FOXN3: variants seen among roughly 807,000 people sequenced by gnomAD.
FOXN3 encodes forkhead box N3.
In FOXN3, 7 loss-of-function variants were observed where a neutral mutation model predicts 38.4. The observed-to-expected ratio is 0.18, with a 90% CI of 0.10 to 0.34. FOXN3 has a LOEUF of 0.34. FOXN3 is among the 10% of genes least tolerant of loss of function. The pLI is 1.00. For synonymous variants in FOXN3, 230 were observed against 242.2 expected, an observed-to-expected ratio of 0.95 and a Z score of 0.47; for missense variants, 456 against 613.4, an observed-to-expected ratio of 0.74 and a Z score of 2.71.
chr14:89,415,004 A>G (rs12885824), intron 1 of FOXN3, among the ~76,000 whole-genome samples: 55,132 of 152,112 alleles, frequency 0.36, 12,625 homozygotes, highest in Admixed American at 0.51. Flanking sequence ...AAAACAAGCT[A>G]GCATCTTTTG....
At chr14:89,416,418 A>G (rs1891725934) in intron 1 of FOXN3, among the ~76,000 whole-genome samples, 2 of 152,072 alleles carry the variant, frequency 1.3e-5, no homozygotes, top group Admixed American at 1.3e-4. Context: ...AGGGTTTCAA[A>G]CAGGGCCGGG....
chr14:89,458,627 G>A (rs1282160427), intron 1 of FOXN3, among the ~76,000 whole-genome samples: 3 of 152,064 alleles, frequency 2.0e-5, no homozygotes. Context: ...TTTCAACTTG[G>A]GTTTCAAGTG....
At chr14:89,527,092 AG>A (rs1439138718) in intron 1 of FOXN3, among the ~76,000 whole-genome samples, 2 of 150,416 alleles carry the variant, frequency 1.3e-5, no homozygotes, top group African/African-American at 2.4e-5. Context: ...AGGAGGAGGA[AG>A]GGGAGGAAAG....
intron 1 of FOXN3, among the ~76,000 whole-genome samples, chr14:89,477,991 T>C (rs1037119185): frequency 1.6e-4 from 24 of 152,152 alleles, no homozygotes; most frequent in African/African-American, 5.8e-4. Context: ...AGTTTGGATA[T>C]TTGTCCCCAC....
chr14:89,466,110 A>G (rs1892971551), intron 1 of FOXN3, among the ~76,000 whole-genome samples: 1 of 152,232 alleles, frequency 6.6e-6, no homozygotes. Flanking sequence ...CTGCCCCTCC[A>G]GGAACTTCCT....
Position 89,157,388 on chromosome 14 carries a change from T to A in FOXN3, c.*5026A>T, listed in dbSNP as rs1462303817. The A allele has an allele frequency of 6.6e-6, 1 of 152,606 alleles. No individual in the cohort carries two copies. Among genetic ancestry groups the A allele is most frequent in the African/African-American group, 2.4e-5 (1 of 41,420 alleles). The allele number at this position is 152,606 out of a possible 1,614,324, so 9.5% of individuals were successfully genotyped here. A position where few individuals can be genotyped will look rare whatever the true frequency, so the allele number is the denominator to read the frequency against. ...ATGATAAAGCAACCGAGCTGACGAG[T>A]CTGTGCTTAATTCAAGAATAACCAG... On this transcript the variant is annotated 3_prime_UTR_variant, in exon 6 of 6. Transcript: ENST00000557258.
At chr14:89,260,381 C>G (rs1008302394) in intron 4 of FOXN3, among the ~76,000 whole-genome samples, 1 of 152,258 alleles carries the variant, frequency 6.6e-6, no homozygotes, top group Non-Finnish European at 1.5e-5. Flanking sequence ...CCGACCACTG[C>G]GGCAGCCTGC....
intron 1 of FOXN3, among the ~76,000 whole-genome samples, chr14:89,550,272 G>A (rs1463070215): frequency 6.6e-6 from 1 of 152,122 alleles, no homozygotes; most frequent in Non-Finnish European, 1.5e-5. Context: ...CTTCCATTCT[G>A]AGGCCTTATC....
intron 1 of FOXN3, among the ~76,000 whole-genome samples, chr14:89,497,331 G>A (rs561417450): frequency 2.0e-4 from 31 of 151,698 alleles, no homozygotes; most frequent in East Asian, 1.8e-3. Flanking sequence ...TTCATCTGTC[G>A]ACAGACACTT....
At chr14:89,304,081 C>T (rs1375433516) in intron 3 of FOXN3, among the ~76,000 whole-genome samples, 1 of 152,200 alleles carries the variant, frequency 6.6e-6, no homozygotes, top group Non-Finnish European at 1.5e-5. Context: ...CTAAAAATAG[C>T]TTTGATGCTG....
At chr14:89,233,802 T>C (rs1259168200) in intron 4 of FOXN3, among the ~76,000 whole-genome samples, 4 of 152,228 alleles carry the variant, frequency 2.6e-5, no homozygotes, top group Non-Finnish European at 4.4e-5. Flanking sequence ...CTCCCTGGGA[T>C]AGTTTATCAT....
At chr14:89,232,886 T>A (rs1357966407) in intron 4 of FOXN3, among the ~76,000 whole-genome samples, 1 of 152,180 alleles carries the variant, frequency 6.6e-6, no homozygotes, top group Non-Finnish European at 1.5e-5. Flanking sequence ...TGATCACTTG[T>A]GACAGGAAGC....
intron 1 of FOXN3, among the ~76,000 whole-genome samples, chr14:89,535,176 A>G (rs1894659200): frequency 6.6e-6 from 1 of 151,172 alleles, no homozygotes; most frequent in Non-Finnish European, 1.5e-5. Flanking sequence ...AATGTTTTAA[A>G]TAACGCACAG....
chr14:89,305,800 A>T (rs1455435832), intron 3 of FOXN3, among the ~76,000 whole-genome samples: 4 of 152,230 alleles, frequency 2.6e-5, no homozygotes, highest in Non-Finnish European at 4.4e-5. Flanking sequence ...TACAATGCAT[A>T]TGTCTGCAGT....
chr14:89,400,950 C>G (rs1891228921), intron 2 of FOXN3, among the ~76,000 whole-genome samples: 1 of 152,170 alleles, frequency 6.6e-6, no homozygotes, highest in Admixed American at 6.5e-5. Context: ...TCCTCCTCCT[C>G]CCCTACCCTC....
At chr14:89,558,112 T>C (rs1004056528) in intron 1 of FOXN3, among the ~76,000 whole-genome samples, 1 of 152,176 alleles carries the variant, frequency 6.6e-6, no homozygotes, top group African/African-American at 2.4e-5. Context: ...TACTTTAAAA[T>C]AGAGTAACCT....
chr14:89,554,782 CTTTTTTTTTT>C (rs34530866), intron 1 of FOXN3, among the ~76,000 whole-genome samples: 3 of 68,590 alleles, frequency 4.4e-5, no homozygotes, highest in Admixed American at 2.0e-4. Context: ...ACTAGCATTT[CTTTTTTTTTT>C]TTTTTTTTTT....
intron 2 of FOXN3, among the ~76,000 whole-genome samples, chr14:89,367,566 T>C (rs1890194777): frequency 6.6e-6 from 1 of 152,132 alleles, no homozygotes; most frequent in Non-Finnish European, 1.5e-5. Context: ...CAGGGAAAAC[T>C]GCAGGTAAGA....
At chr14:89,513,928 ACG>A (rs1566682376) in intron 1 of FOXN3, among the ~76,000 whole-genome samples, 7 of 144,840 alleles carry the variant, frequency 4.8e-5, no homozygotes, top group South Asian at 2.2e-4. Context: ...ACACACACAC[ACG>A]CACGCACACA....
Sources: gnomAD v4.1 joint callset for allele counts (sites outside exome capture counted in the v4.1 genomes callset) on GRCh38, gnomAD v4.1.1 for gene constraint, MANE v1.5 for transcripts, NCBI Gene and HGNC (gene_info 2026-07-23, HGNC 2026-07-21) for gene names.